Variants in EIF2AK4 observed in about 807,000 individuals in gnomAD.
EIF2AK4 encodes eukaryotic translation initiation factor 2 alpha kinase 4, also known as eIF-2-alpha kinase GCN2.
Under a neutral mutation model 211.1 loss-of-function variants are expected in EIF2AK4, and 139 were observed. That is an observed-to-expected ratio of 0.66 (90% CI 0.57 to 0.76). The LOEUF is 0.76. EIF2AK4 is among the 30% of genes least tolerant of loss of function. The pLI, the probability that EIF2AK4 is intolerant of heterozygous loss-of-function variation, is 0.00. For missense variants in EIF2AK4, 1,664 were observed against 2,043.8 expected (o/e 0.81, Z 3.58); for synonymous variants, 710 against 751.3 (o/e 0.94, Z 0.90).
intron 14 of EIF2AK4, among the ~76,000 whole-genome samples, chr15:39,986,644 AG>A (rs1304699909): frequency 6.6e-6 from 1 of 152,230 alleles, no homozygotes; most frequent in Admixed American, 6.5e-5. Flanking sequence ...ACCTGAGGTC[AG>A]GAGTTTGAGA....
intron 3 of EIF2AK4, among the ~76,000 whole-genome samples, chr15:39,944,336 G>C (rs1466955925): frequency 6.6e-6 from 1 of 152,026 alleles, no homozygotes; most frequent in Non-Finnish European, 1.5e-5. Context: ...GCTTTCCTTA[G>C]GCCAGACCAA....
At chr15:40,010,865 G>A (rs550102349) in intron 26 of EIF2AK4, among the ~76,000 whole-genome samples, 4 of 152,262 alleles carry the variant, frequency 2.6e-5, no homozygotes, top group African/African-American at 9.6e-5. Context: ...GATTGTGCAA[G>A]GGGCTTCAGC....
intron 26 of EIF2AK4, among the ~76,000 whole-genome samples, chr15:40,010,782 C>G (rs918534336): frequency 6.6e-6 from 1 of 152,170 alleles, no homozygotes; most frequent in South Asian, 2.1e-4. Flanking sequence ...CTTTACTCCC[C>G]CTAAAGCTCT....
intron 19 of EIF2AK4, among the ~76,000 whole-genome samples, chr15:39,997,926 G>A (rs974132316): frequency 2.0e-5 from 3 of 152,130 alleles, no homozygotes; most frequent in African/African-American, 7.2e-5. Flanking sequence ...GAGTGAAGCA[G>A]GAATATTTAT....
At chr15:39,982,617 C>T (rs148211062) in intron 13 of EIF2AK4, among the ~76,000 whole-genome samples, 1,529 of 109,542 alleles carry the variant, frequency 0.014, 27 homozygotes, top group African/African-American at 0.051. Context: ...TTACATAGTA[C>T]ACATGTGCCA....
intron 6 of EIF2AK4, among the ~76,000 whole-genome samples, chr15:39,958,702 C>T (rs903035512): frequency 1.3e-5 from 2 of 152,140 alleles, no homozygotes; most frequent in Non-Finnish European, 2.9e-5. Context: ...GGACCTAGAA[C>T]TAGCATTTTC....
chr15:40,013,983 CAAT>C (rs914978124), intron 27 of EIF2AK4, among the ~76,000 whole-genome samples: 8 of 152,250 alleles, frequency 5.3e-5, no homozygotes, highest in African/African-American at 1.9e-4. Flanking sequence ...TTCCTGGATA[CAAT>C]GAGAGTACAG....
At chr15:40,024,821 G>A (rs577114551) in intron 32 of EIF2AK4, among the ~76,000 whole-genome samples, 5 of 149,136 alleles carry the variant, frequency 3.4e-5, no homozygotes, top group African/African-American at 1.2e-4. Context: ...CTGTCTCCCA[G>A]GATCAAGTGA....
At chr15:39,998,257 G>GTTTTTTTTTTTTT (rs752625722) in intron 19 of EIF2AK4, among the ~76,000 whole-genome samples, 5 of 109,748 alleles carry the variant, frequency 4.6e-5, no homozygotes, top group African/African-American at 6.5e-5. Flanking sequence ...TATGGGTGTG[G>GTTTTTTTTTTTTT]TTTTTTTTTT....
chr15:40,022,841 T>C (rs1341270236), intron 32 of EIF2AK4, among the ~76,000 whole-genome samples: 1 of 152,086 alleles, frequency 6.6e-6, no homozygotes, highest in South Asian at 2.1e-4. Context: ...TCTCGCCATT[T>C]TCCTGCCTCA....
At chr15:39,941,799 G>T (rs2034148522) in intron 2 of EIF2AK4, among the ~76,000 whole-genome samples, 2 of 152,206 alleles carry the variant, frequency 1.3e-5, no homozygotes, top group Middle Eastern at 3.4e-3. Flanking sequence ...TCCCCAGGTT[G>T]TGGCAACCAA....
intron 1 of EIF2AK4, among the ~76,000 whole-genome samples, chr15:39,935,363 G>A (rs1250386685): frequency 6.7e-6 from 1 of 149,372 alleles, no homozygotes; most frequent in Non-Finnish European, 1.5e-5. Flanking sequence ...TTTTGAGACA[G>A]GGTCTTGCTC....
At chr15:39,993,162 GTCCATCCACCCA>G (rs1314175738) in intron 18 of EIF2AK4, among the ~76,000 whole-genome samples, 3 of 131,142 alleles carry the variant, frequency 2.3e-5, no homozygotes, top group Non-Finnish European at 4.8e-5. Context: ...CCATCCACCC[GTCCATCCACCCA>G]TCCATCCACT....
chr15:40,029,694 GT>G (rs1367568089), intron 34 of EIF2AK4, among the ~76,000 whole-genome samples: 3 of 152,192 alleles, frequency 2.0e-5, no homozygotes, highest in Non-Finnish European at 4.4e-5. Flanking sequence ...ATTTTTACAA[GT>G]GATTTAATCT....
rs776221815 is a variant in EIF2AK4, at chr15:40,032,238, G to C, written c.4728+1G>C. ...AAGCAGTGAAATTGAAATTCTGGCT[G>C]TAAGTGGCTTTCTTTAGTATTTTGA... On this transcript the variant is annotated splice_donor_variant, in intron 36 of 38. Coordinates refer to ENST00000263791, the MANE Select transcript of EIF2AK4 (RefSeq NM_001013703.4). LOFTEE classifies it high-confidence loss of function. 4 of 1,613,964 alleles carry C rather than the reference G, an allele frequency of 2.5e-6. No individual in the cohort carries two copies. The highest frequency in any genetic ancestry group is 3.4e-6 in the Non-Finnish European group (4 of 1,179,840).
chr15:39,988,619 C>G (rs1712651580), intron 15 of EIF2AK4, among the ~76,000 whole-genome samples: 1 of 152,172 alleles, frequency 6.6e-6, no homozygotes, highest in African/African-American at 2.4e-5. Context: ...TATTCACTCT[C>G]TGGCCCTTTA....
chr15:39,968,150 C>T (rs369976008), intron 9 of EIF2AK4, among the ~76,000 whole-genome samples: 52 of 152,306 alleles, frequency 3.4e-4, no homozygotes, highest in African/African-American at 1.3e-3. Flanking sequence ...TCTTGGAAGT[C>T]AATAGAGATG....
At chr15:39,996,214 C>A (rs918181386) in intron 18 of EIF2AK4, among the ~76,000 whole-genome samples, 8 of 152,184 alleles carry the variant, frequency 5.3e-5, no homozygotes, top group Admixed American at 1.3e-4. Context: ...GGCCATATGA[C>A]CCTGTAGTCA....
At chr15:39,948,196 T>G (rs1416839453) in intron 3 of EIF2AK4, among the ~76,000 whole-genome samples, 5 of 152,240 alleles carry the variant, frequency 3.3e-5, no homozygotes, top group Admixed American at 6.5e-5. Flanking sequence ...TGAACTAACT[T>G]TATATTTTTG....
Sources: allele counts gnomAD v4.1 joint callset (sites outside exome capture counted in the v4.1 genomes callset), GRCh38; gene constraint gnomAD v4.1.1; transcripts MANE v1.5; gene names NCBI Gene and HGNC (gene_info 2026-07-23, HGNC 2026-07-21).